Variants in KCTD14 observed in about 807,000 individuals in gnomAD.
The protein encoded by KCTD14 is potassium channel tetramerization domain containing 14.
KCTD14 carries 7 observed loss-of-function variants against 5.9 expected under a neutral mutation model. The ratio of observed to expected loss-of-function variants is 1.19; its 90% confidence interval spans 0.68 to 2.23. KCTD14 has a LOEUF of 2.23. Ranked by LOEUF, KCTD14 falls within the 30% of genes most tolerant of loss-of-function variation. The pLI is 0.00. For synonymous variants in KCTD14, 140 were observed against 133.1 expected, an observed-to-expected ratio of 1.05 and a Z score of -0.36; for missense variants, 342 against 332.2, an observed-to-expected ratio of 1.03 and a Z score of -0.23.
upstream of KCTD14, among the ~76,000 whole-genome samples, chr11:78,025,085 CGTGT>C (rs1163862866): frequency 0.037 from 3,279 of 88,924 alleles, 190 homozygotes; most frequent in Non-Finnish European, 0.049. Flanking sequence ...TATATACACA[CGTGT>C]GTGTGTGTGT....
At chr11:78,035,554 G>C (rs9651742) in intron 2 of KCTD14, among the ~76,000 whole-genome samples, 73,793 of 151,728 alleles carry the variant, frequency 0.49, 18,431 homozygotes, top group African/African-American at 0.61. Context: ...GTAAAGAGTC[G>C]CTTTATGGGC....
upstream of KCTD14, among the ~76,000 whole-genome samples, chr11:78,026,425 A>G (rs1487140635): frequency 2.0e-5 from 3 of 151,886 alleles, no homozygotes; most frequent in African/African-American, 7.2e-5. Context: ...CCTGGAAGAT[A>G]GAGTGAGACT....
chr11:78,033,901 G>GTGTGTA lies in KCTD14; in HGVS notation c.-1+4762_-1+4763insTACACA. ...ATAGTGTGTGTGTATGTGTGTGTGTGTATATATATATATACACACATTATA... is the reference window on the plus strand; with the variant it reads ...ATAGTGTGTGTGTATGTGTGTGTGTGTGTGTATATATATATATATACACACATTATA... On this transcript the variant is annotated intron_variant, in intron 2 of 2. Coordinates refer to the KCTD14 transcript ENST00000533144. Among the ~76,000 whole-genome samples, 10 of 115,584 alleles carry GTGTGTA rather than the reference G, an allele frequency of 8.7e-5. 1 individual carries two copies. The highest frequency in any genetic ancestry group is 2.9e-4 in the Admixed American group (3 of 10,288). 75.8% of individuals were successfully genotyped at this position (115,584 alleles called of 152,430 possible). A position where few individuals can be genotyped will look rare whatever the true frequency, so the allele number is the denominator to read the frequency against.
At chr11:78,033,326 C>T (rs1397451894) in intron 2 of KCTD14, among the ~76,000 whole-genome samples, 3 of 152,288 alleles carry the variant, frequency 2.0e-5, no homozygotes, top group South Asian at 2.1e-4. Flanking sequence ...TATAGTAGAA[C>T]ACTCTTCTAT....
At chr11:78,027,202 G>A (rs1857492087), upstream of KCTD14, among the ~76,000 whole-genome samples, 1 of 152,154 alleles carries the variant, frequency 6.6e-6, no homozygotes, top group South Asian at 2.1e-4. Context: ...ACAGCTGGAA[G>A]GGGTTGTGGG....
chr11:78,032,743 C>A (rs1286834195), intron 2 of KCTD14, among the ~76,000 whole-genome samples: 1 of 132,686 alleles, frequency 7.5e-6, no homozygotes, highest in East Asian at 2.1e-4. Context: ...CTCAATTTGT[C>A]ACCCAGTCTG....
chr11:78,037,586 C>G (rs1401498910), intron 2 of KCTD14, among the ~76,000 whole-genome samples: 1 of 152,182 alleles, frequency 6.6e-6, no homozygotes, highest in Non-Finnish European at 1.5e-5. Flanking sequence ...CTTTCAGACC[C>G]TGCCCATGTT....
At chr11:78,028,088 G>A (rs1857513297), upstream of KCTD14, among the ~76,000 whole-genome samples, 1 of 152,006 alleles carries the variant, frequency 6.6e-6, no homozygotes, top group Non-Finnish European at 1.5e-5. Flanking sequence ...ATGGTTGGGG[G>A]GCTGAGACTT....
Position 78,017,065 on chromosome 11 carries a change from G to A in KCTD14, c.296C>T (p.Pro99Leu), listed in dbSNP as rs1364089536. The change falls in exon 2 of 2, where the codon CCC (proline) becomes CTC (leucine). Residue 99 changes from proline (P) to leucine (L), a missense_variant. Transcript: ENST00000353172. Reference sequence around the variant, plus strand: ...GTACACTTCAGGGATGTGCTGTGTGGGCACTTGCCCAGTGCGCAGGTAGTC... The same window carrying A: ...GTACACTTCAGGGATGTGCTGTGTGAGCACTTGCCCAGTGCGCAGGTAGTC... ...ILDYLRTGQV[P>L]TQHIPEVYRE... 1.9e-6 allele frequency: 3 copies of A among 1,614,112 alleles called. No homozygotes were observed. Among genetic ancestry groups the A allele is most frequent in the Non-Finnish European group, 2.5e-6 (3 of 1,180,054 alleles).
intron 2 of KCTD14, among the ~76,000 whole-genome samples, chr11:78,035,673 T>C (rs1857769507): frequency 6.7e-6 from 1 of 149,392 alleles, no homozygotes; most frequent in South Asian, 2.1e-4. Flanking sequence ...GTGAAACCCT[T>C]TCTCTACTAA....
intron 1 of KCTD14, among the ~76,000 whole-genome samples, chr11:78,041,941 G>A (rs1230557157): frequency 2.0e-5 from 3 of 152,332 alleles, no homozygotes; most frequent in Non-Finnish European, 4.4e-5. Context: ...TCACCGCATG[G>A]CCCAAGATTC....
In KCTD14 at chr11:78,016,667, A is replaced by G; in HGVS notation, c.694T>C (p.Phe232Leu). 6.2e-7 allele frequency: 1 copy of G among 1,614,216 alleles called. No individual in the cohort carries two copies. Among genetic ancestry groups the G allele is most frequent in the Non-Finnish European group, 8.5e-7 (1 of 1,180,026 alleles). Residue 232 changes from phenylalanine (F) to leucine (L), a missense_variant, in exon 2 of 2, where the codon TTC (phenylalanine) becomes CTC (leucine). Physicochemically the swap from Phe to Leu is conservative, Grantham distance 22. Coordinates refer to ENST00000353172, the MANE Select transcript of KCTD14 (RefSeq NM_023930.4). ...KAQGYKVFSK[F>L]YLTYPTKRNE... Reference sequence around the variant, plus strand: ...CTTTTGGTGGGGTACGTCAGGTAGAACTTGGAGAATACCTTGTACCCCTGG... The same window carrying G: ...CTTTTGGTGGGGTACGTCAGGTAGAGCTTGGAGAATACCTTGTACCCCTGG...
At chr11:78,021,297 CAAA>C (rs531185817) in intron 1 of KCTD14, among the ~76,000 whole-genome samples, 8 of 85,172 alleles carry the variant, frequency 9.4e-5, no homozygotes, top group Non-Finnish European at 1.4e-4. Flanking sequence ...GACCCTGTCT[CAAA>C]AAAAAAAAAA....
chr11:78,031,504 G>A (rs1399240423), intron 2 of KCTD14, among the ~76,000 whole-genome samples: 1 of 151,476 alleles, frequency 6.6e-6, no homozygotes, highest in Non-Finnish European at 1.5e-5. Context: ...TCAGCCTCTC[G>A]AGTAGCTGGG....
At chr11:78,038,561 G>T in intron 2 of KCTD14, 1 of 1,367,762 alleles carries the variant, frequency 7.3e-7, no homozygotes, top group Non-Finnish European at 1.0e-6. Flanking sequence ...TGGCTCCCCA[G>T]CCCAAGTGCG....
At chr11:78,039,870 T>C (rs753351080) in intron 1 of KCTD14, among the ~76,000 whole-genome samples, 10 of 152,244 alleles carry the variant, frequency 6.6e-5, no homozygotes, top group Non-Finnish European at 1.5e-4. Flanking sequence ...GAATGTATCA[T>C]AAATCTACTA....
intron 2 of KCTD14, among the ~76,000 whole-genome samples, chr11:78,034,204 C>A (rs920114173): frequency 2.0e-5 from 3 of 152,038 alleles, no homozygotes; most frequent in African/African-American, 7.2e-5. Context: ...TTCACCACAG[C>A]CTCAACCTCC....
chr11:78,025,155 T>TATAA (rs1417247331), upstream of KCTD14, among the ~76,000 whole-genome samples: 11 of 132,420 alleles, frequency 8.3e-5, no homozygotes, highest in East Asian at 4.5e-4. Context: ...TATATATATA[T>TATAA]AAAGGGGAGT....
At chr11:78,033,681 CAA>C (rs34822968) in intron 2 of KCTD14, among the ~76,000 whole-genome samples, 2,655 of 127,934 alleles carry the variant, frequency 0.021, 77 homozygotes, top group African/African-American at 0.062. Context: ...GACTCCTTCT[CAA>C]AAAAAAAAAA....
Sources: allele counts gnomAD v4.1 joint callset (sites outside exome capture counted in the v4.1 genomes callset), GRCh38; gene constraint gnomAD v4.1.1; transcripts MANE v1.5; gene names NCBI Gene and HGNC (gene_info 2026-07-23, HGNC 2026-07-21).